The following EYA3 variants were observed in gnomAD, a reference collection of about 807,000 sequenced individuals.
EYA3 encodes the protein EYA transcriptional coactivator and phosphatase 3.
In EYA3, 39 loss-of-function variants were observed where a neutral mutation model predicts 80.0. The observed-to-expected ratio is 0.49, with a 90% confidence interval of 0.38 to 0.64. The LOEUF is 0.64. Among genes scored for constraint, EYA3 ranks in the 30% least tolerant of loss-of-function variants. The pLI is 0.00. For missense variants in EYA3, 523 were observed against 676.1 expected (o/e 0.77, Z 2.51); for synonymous variants, 206 against 232.8 (o/e 0.88, Z 1.05).
At chr1:27,995,226 G>A (rs1286684448) in intron 13 of EYA3, among the ~76,000 whole-genome samples, 2 of 150,838 alleles carry the variant, frequency 1.3e-5, no homozygotes, top group Non-Finnish European at 3.0e-5. Context: ...GCAACACAGG[G>A]AGACCCCCAT....
At chr1:27,989,377 T>C (rs1639882103) in intron 15 of EYA3, among the ~76,000 whole-genome samples, 1 of 152,226 alleles carries the variant, frequency 6.6e-6, no homozygotes, top group Non-Finnish European at 1.5e-5. Context: ...GACATTGTAA[T>C]AACATCTCCT....
At chr1:28,061,431 G>A (rs754530885) in intron 1 of EYA3, among the ~76,000 whole-genome samples, 12 of 152,126 alleles carry the variant, frequency 7.9e-5, no homozygotes, top group Non-Finnish European at 1.5e-4. Flanking sequence ...TTTTCCACAA[G>A]TGGTGCATGC....
At chr1:28,052,973 G>T (rs1241508866) in intron 2 of EYA3, among the ~76,000 whole-genome samples, 1 of 151,734 alleles carries the variant, frequency 6.6e-6, no homozygotes, top group Non-Finnish European at 1.5e-5. Flanking sequence ...GGGCAACAGA[G>T]TAAGACCCCA....
intron 4 of EYA3, among the ~76,000 whole-genome samples, chr1:28,042,217 A>T (rs1254775719): frequency 6.6e-6 from 1 of 152,132 alleles, no homozygotes; most frequent in Non-Finnish European, 1.5e-5. Context: ...CACACCTTTT[A>T]AAAAAAAGTT....
At position 28,051,706 on chromosome 1, in the gene EYA3, A is replaced by C. The variant is rs573431323; in HGVS notation, c.34-3280T>G. Among the ~76,000 whole-genome samples, 4 of 152,234 alleles carry C rather than the reference A, an allele frequency of 2.6e-5. No individual in the cohort carries two copies. The South Asian group carries it at 8.3e-4, about 32-fold the overall frequency. ...TGTCTAAAACAAACAAACAAACAAAAAAACTTAGGAATAAACCTAACAGAA... is the reference window on the plus strand; with the variant it reads ...TGTCTAAAACAAACAAACAAACAAACAAACTTAGGAATAAACCTAACAGAA... On this transcript the variant is annotated intron_variant, in intron 2 of 17. Transcript: ENST00000373871.
intron 2 of EYA3, among the ~76,000 whole-genome samples, chr1:28,053,176 A>C (rs1644323511): frequency 6.9e-6 from 1 of 144,362 alleles, no homozygotes; most frequent in South Asian, 2.2e-4. Context: ...AAAAAAAAAA[A>C]AACAGAAAAA....
intron 6 of EYA3, among the ~76,000 whole-genome samples, chr1:28,029,256 A>C (rs1642971464): frequency 6.6e-6 from 1 of 152,198 alleles, no homozygotes; most frequent in Non-Finnish European, 1.5e-5. Context: ...TTTCTCAGTT[A>C]CTGTTTCAAA....
In EYA3 at chr1:28,013,373, T is replaced by C. The variant is rs1641825892; in HGVS notation, c.586-79A>G. Reference sequence around the variant, plus strand: ...AACACAAGAGGCTTTCTTCTCCCTCTTTCTTATTCATAATTATTTTTCTAA... The same window carrying C: ...AACACAAGAGGCTTTCTTCTCCCTCCTTCTTATTCATAATTATTTTTCTAA... On this transcript the variant is annotated intron_variant, in intron 8 of 17. Transcript: ENST00000373871. This position sits in a 1 kb window ranked among gnomAD's most constrained non-coding sequence, Gnocchi z 4.0. 8.4e-7 allele frequency: 1 copy of C among 1,190,502 alleles called. No individual in the cohort carries two copies. Among genetic ancestry groups the C allele is most frequent in the Non-Finnish European group, 1.1e-6 (1 of 871,598 alleles). 73.7% of individuals were successfully genotyped at this position (1,190,502 alleles called of 1,614,324 possible).
At chr1:27,975,108 A>C (rs1638869772) in intron 17 of EYA3, among the ~76,000 whole-genome samples, 1 of 152,218 alleles carries the variant, frequency 6.6e-6, no homozygotes, top group East Asian at 1.9e-4. Context: ...CAGATCTGGG[A>C]AATAATAATC....
At chr1:28,006,579 G>A (rs35378869) in intron 10 of EYA3, among the ~76,000 whole-genome samples, 4 of 151,850 alleles carry the variant, frequency 2.6e-5, no homozygotes, top group East Asian at 1.9e-4. Flanking sequence ...GGTGGCACGC[G>A]CCTGTAATCC....
rs1638842557 is a variant in EYA3, at chr1:27,974,435, A to G, written c.*31T>C. 6.3e-7 allele frequency: 1 copy of G among 1,580,428 alleles called. No individual in the cohort carries two copies. The highest frequency in any genetic ancestry group is 8.7e-7 in the Non-Finnish European group (1 of 1,152,010). On this transcript the variant is annotated 3_prime_UTR_variant, in exon 18 of 18. Transcript: ENST00000373871. ...CCAGCTCCCTTCAGGAGTGAAAAGG[A>G]GCTCAAGGGGAAGGCTCCTCATTCC...
intron 8 of EYA3, among the ~76,000 whole-genome samples, chr1:28,015,573 G>A (rs1641998349): frequency 6.6e-6 from 1 of 151,898 alleles, no homozygotes; most frequent in African/African-American, 2.4e-5. Flanking sequence ...ATTCTGAGCA[G>A]GTCAGTAACA....
intron 3 of EYA3, among the ~76,000 whole-genome samples, chr1:28,047,880 C>T (rs939177791): frequency 1.3e-5 from 2 of 152,120 alleles, no homozygotes; most frequent in African/African-American, 4.8e-5. Context: ...ACCTCGTGAT[C>T]TGCCCGCCTC....
intron 7 of EYA3, among the ~76,000 whole-genome samples, chr1:28,023,810 T>C (rs2148819268): frequency 6.6e-6 from 1 of 152,344 alleles, no homozygotes; most frequent in East Asian, 1.9e-4. Flanking sequence ...ATACTAATAC[T>C]GGTTCACTAA....
chr1:28,056,314 C>T (rs1012780043), intron 2 of EYA3, among the ~76,000 whole-genome samples: 7 of 142,784 alleles, frequency 4.9e-5, no homozygotes, highest in African/African-American at 1.5e-4. Context: ...AACTAGTCAA[C>T]GCTAAGCTGT....
At chr1:28,084,582 TA>T (rs1645564686) in intron 1 of EYA3, among the ~76,000 whole-genome samples, 16 of 17,122 alleles carry the variant, frequency 9.3e-4, no homozygotes, top group Non-Finnish European at 1.5e-3. Flanking sequence ...TATATATATA[TA>T]TATATATATA....
chr1:28,027,190 T>C (rs1571839445), intron 7 of EYA3, among the ~76,000 whole-genome samples: 1 of 152,300 alleles, frequency 6.6e-6, no homozygotes, highest in Admixed American at 6.5e-5. Context: ...ATAGTGCCTT[T>C]TGAGTTTTTT....
intron 14 of EYA3, chr1:27,990,415 G>C (rs1433331122): frequency 6.6e-6 from 1 of 152,610 alleles, no homozygotes; most frequent in Non-Finnish European, 1.5e-5. Context: ...CAAGGGAGCA[G>C]AGCTATGGGG....
In EYA3 at chr1:27,970,562, A is replaced by G. The variant is rs1318573965; in HGVS notation, c.*3904T>C. ...TTAATGGGAGGGCTCCTGTCAGTGCATTAGGAACTAGCCAAGGAGCCTTGC... is the reference window on the plus strand; with the variant it reads ...TTAATGGGAGGGCTCCTGTCAGTGCGTTAGGAACTAGCCAAGGAGCCTTGC... On this transcript the variant is annotated 3_prime_UTR_variant, in exon 18 of 18. Coordinates refer to ENST00000373871, the MANE Select transcript of EYA3 (RefSeq NM_001990.4). 6.6e-6 allele frequency: 1 copy of G among 152,200 alleles called. No individual in the cohort carries two copies. The highest frequency in any genetic ancestry group is 1.5e-5 in the Non-Finnish European group (1 of 68,036). 9.4% of individuals were successfully genotyped at this position (152,200 alleles called of 1,614,324 possible). A position where few individuals can be genotyped will look rare whatever the true frequency, so the allele number is the denominator to read the frequency against.
Sources: gnomAD v4.1 joint callset for allele counts (sites outside exome capture counted in the v4.1 genomes callset) on GRCh38, gnomAD v4.1.1 for gene constraint, Gnocchi (gnomAD v3.1) non-coding constraint, MANE v1.5 for transcripts, NCBI Gene and HGNC (gene_info 2026-07-23, HGNC 2026-07-21) for gene names.